Variants in SAFB2 observed in about 807,000 individuals in gnomAD.
The protein encoded by SAFB2 is scaffold attachment factor B2.
SAFB2 carries 32 observed loss-of-function variants against 100.6 expected under a neutral mutation model. That is an observed-to-expected ratio of 0.32 (90% CI 0.24 to 0.43). SAFB2 has a LOEUF of 0.43. Ranked by LOEUF, SAFB2 falls within the 20% of genes least tolerant of loss-of-function variation. The pLI is 1.00. For synonymous variants in SAFB2, 500 were observed against 439.4 expected (o/e 1.14, Z -1.72); for missense variants, 1,185 against 1,163.4 (o/e 1.02, Z -0.27).
chr19:5,615,381 A>G (rs1470468437), intron 4 of SAFB2, among the ~76,000 whole-genome samples: 1 of 150,720 alleles, frequency 6.6e-6, no homozygotes, highest in East Asian at 2.0e-4. Flanking sequence ...ACAAAACACA[A>G]CATTAGGAGG....
Position 5,622,749 on chromosome 19 carries a change from G to T in SAFB2, c.-34C>A. The T allele has an allele frequency of 6.4e-7, 1 of 1,571,424 alleles. No homozygotes were observed. The highest frequency in any genetic ancestry group is 8.6e-7 in the Non-Finnish European group (1 of 1,163,590). On this transcript the variant is annotated 5_prime_UTR_variant, in exon 1 of 21. Transcript: ENST00000252542. ...TCCCGTCTTCGCCACCGACTCAGTC[G>T]CACACCGCCGGCAGCTATAGCGGCT...
chr19:5,590,526 A>C (rs906224090), intron 17 of SAFB2, 118 bp from the exon 18 acceptor site: 72 of 1,189,882 alleles, frequency 6.1e-5, no homozygotes, highest in Non-Finnish European at 8.0e-6. Context: ...CTGAGAGAGG[A>C]CTGAAGGGTG....
chr19:5,600,083 C>T (rs371904421), intron 12 of SAFB2, 47 bp downstream of exon 12: 202 of 1,583,282 alleles, frequency 1.3e-4, no homozygotes, highest in Admixed American at 2.1e-4. Context: ...CACTCCCCAC[C>T]CGTGCCAGGC....
intron 2 of SAFB2, among the ~76,000 whole-genome samples, chr19:5,618,344 A>C (rs1420293170): frequency 6.6e-6 from 1 of 152,212 alleles, no homozygotes; most frequent in Non-Finnish European, 1.5e-5. Flanking sequence ...CCTGGGCAAC[A>C]GAGCGAGACT....
chr19:5,604,183 G>A (rs138315907), intron 11 of SAFB2, among the ~76,000 whole-genome samples: 1 of 152,326 alleles, frequency 6.6e-6, no homozygotes, highest in African/African-American at 2.4e-5. Flanking sequence ...GGCCAAGGCG[G>A]GCAAATCATG....
At chr19:5,621,597 G>C (rs2053149815) in intron 1 of SAFB2, among the ~76,000 whole-genome samples, 1 of 152,254 alleles carries the variant, frequency 6.6e-6, no homozygotes, top group South Asian at 2.1e-4. Context: ...AAATGACAAA[G>C]GAGAGGGAGG....
chr19:5,587,691 CA>C lies in SAFB2; in HGVS notation c.2705+9del, dbSNP rs772141170. ...GTGAACCACCGTCCTCCACGGACGA[CA>C]CACCTTACCCCGCCACTCCACCGCG... On this transcript the variant is annotated intron_variant, in intron 20 of 20. Transcript: ENST00000252542. The surrounding 1 kb of genome is among the most constrained non-coding windows in gnomAD (Gnocchi z 4.9). The C allele has an allele frequency of 6.5e-6, 10 of 1,545,996 alleles. 1 individual carries two copies. In the Middle Eastern group the frequency reaches 6.7e-4, roughly 104 times the overall value.
rs200585644 is a variant in SAFB2 at position 5,587,329 on chromosome 19, C to T, written c.2776G>A (p.Gly926Arg). ...CTGCCCCGGTCCTGGCTGGCCACTC[C>T]GCCACCTTCCAGTCCGCCACCTGGC... ...VVPGGGLEGG[G>R]VASQDRGSRV... Residue 926 changes from glycine (G) to arginine (R), a missense_variant, in exon 21 of 21, where the codon GGA (glycine) becomes AGA (arginine). This residue lies in a region of SAFB2 where 740 missense variants were observed against 687.1 expected (regional missense o/e 1.08). Transcript: ENST00000252542. The surrounding 1 kb of genome is among the most constrained non-coding windows in gnomAD (Gnocchi z 4.9). 30 of 1,612,792 alleles carry T rather than the reference C, an allele frequency of 1.9e-5. No individual in the cohort carries two copies. The highest frequency in any genetic ancestry group is 2.5e-5 in the Non-Finnish European group (29 of 1,179,638).
At chr19:5,589,051 T>C (rs1021194486) in intron 18 of SAFB2, 1 of 152,240 alleles carries the variant, frequency 6.6e-6, no homozygotes, top group African/African-American at 2.4e-5. Context: ...TCAGGCCAAG[T>C]GAGCCAGCCC....
At chr19:5,590,511 C>T (rs1045104871) in intron 17 of SAFB2, 103 bp from the exon 18 acceptor site, 8 of 1,331,060 alleles carry the variant, frequency 6.0e-6, no homozygotes, top group African/African-American at 3.0e-5. Flanking sequence ...GCAGGTGGGG[C>T]GGAGCTGAGA....
At position 5,590,262 on chromosome 19, in the gene SAFB2, G is replaced by T; in HGVS notation, c.2525+16C>A. Reference sequence around the variant, plus strand: ...AGGACAGATGCTCCCCACCCGGCTGGGGCTCACCCACTAACCTGGGGGGAG... The same window carrying T: ...AGGACAGATGCTCCCCACCCGGCTGTGGCTCACCCACTAACCTGGGGGGAG... On this transcript the variant is annotated intron_variant, in intron 18 of 20. Transcript: ENST00000252542. The T allele has an allele frequency of 6.4e-7, 1 of 1,569,934 alleles. No individual in the cohort carries two copies. Among genetic ancestry groups the T allele is most frequent in the East Asian group, 2.3e-5 (1 of 42,702 alleles).
chr19:5,587,085 ATTT>A lies in SAFB2; in HGVS notation c.*155_*157del. 1 of 958,486 alleles carries A rather than the reference ATTT, an allele frequency of 1.0e-6. No individual in the cohort carries two copies. The highest frequency in any genetic ancestry group is 1.5e-6 in the Non-Finnish European group (1 of 649,888). 59.4% of individuals were successfully genotyped at this position (958,486 alleles called of 1,614,324 possible). A position where few individuals can be genotyped will look rare whatever the true frequency, so the allele number is the denominator to read the frequency against. ...AAAATGGCAGAACAAGAACACATTT[ATTT>A]AAAAAAAAAAAAAAAGTGAGTTCAC... On this transcript the variant is annotated 3_prime_UTR_variant, in exon 21 of 21. Coordinates refer to ENST00000252542, the MANE Select transcript of SAFB2 (RefSeq NM_014649.3). This position sits in a 1 kb window ranked among gnomAD's most constrained non-coding sequence, Gnocchi z 4.9.
intron 13 of SAFB2, among the ~76,000 whole-genome samples, chr19:5,595,936 A>G (rs1036516286): frequency 6.6e-6 from 1 of 152,152 alleles, no homozygotes; most frequent in African/African-American, 2.4e-5. Context: ...TCACATCTCA[A>G]CTGCTGGCTC....
At chr19:5,599,373 C>T (rs1197333713) in intron 12 of SAFB2, among the ~76,000 whole-genome samples, 1 of 152,170 alleles carries the variant, frequency 6.6e-6, no homozygotes, top group African/African-American at 2.4e-5. Context: ...TCTCTCCTGA[C>T]GACAGAACCA....
intron 17 of SAFB2, among the ~76,000 whole-genome samples, chr19:5,591,126 C>T (rs1337867406): frequency 6.6e-6 from 1 of 152,118 alleles, no homozygotes; most frequent in Non-Finnish European, 1.5e-5. Flanking sequence ...CTTGGGGGAC[C>T]CCACAGGCAC....
At chr19:5,598,000 T>C (rs2052567580) in intron 13 of SAFB2, among the ~76,000 whole-genome samples, 1 of 151,796 alleles carries the variant, frequency 6.6e-6, no homozygotes, top group East Asian at 1.9e-4. Flanking sequence ...TGTGGTGATG[T>C]GTGCCTGTTG....
At chr19:5,601,447 A>T (rs1399977546) in intron 11 of SAFB2, among the ~76,000 whole-genome samples, 1 of 152,172 alleles carries the variant, frequency 6.6e-6, no homozygotes, top group African/African-American at 2.4e-5. Flanking sequence ...GCGGTGGCTC[A>T]TGCCTGTAAT....
chr19:5,592,746 C>T lies in SAFB2; in HGVS notation c.2348+1G>A. On this transcript the variant is annotated splice_donor_variant, in intron 16 of 20. Transcript: ENST00000252542. LOFTEE classifies it high-confidence loss of function. ...CTAAAGGAGGGGACAAGACCACTGA[C>T]CTGTCGATGGCGTGGTCCTGGTACT... is the stretch of plus-strand genomic sequence containing the variant. 1.9e-6 allele frequency: 3 copies of T among 1,614,040 alleles called. No homozygotes were observed. The highest frequency in any genetic ancestry group is 2.5e-6 in the Non-Finnish European group (3 of 1,179,988).
At chr19:5,610,478 C>T (rs1599266146) in intron 8 of SAFB2, 161 bp downstream of exon 8, 2 of 643,670 alleles carry the variant, frequency 3.1e-6, no homozygotes, top group African/African-American at 1.9e-5. Context: ...CAGGTGCTTG[C>T]GAACTTCTAA....
Sources: allele counts gnomAD v4.1 joint callset (sites outside exome capture counted in the v4.1 genomes callset), GRCh38; gene constraint gnomAD v4.1.1; regional missense constraint gnomAD v4.1.1; non-coding constraint Gnocchi (gnomAD v3.1); transcripts MANE v1.5; gene names NCBI Gene and HGNC (gene_info 2026-07-23, HGNC 2026-07-21).